The following FAM234B variants were observed in gnomAD, a reference collection of about 807,000 sequenced individuals.
FAM234B encodes the protein protein FAM234B.
In FAM234B, 33 loss-of-function variants were observed where a neutral mutation model predicts 69.3. That is an observed-to-expected ratio of 0.48 (90% confidence interval 0.36 to 0.64). The LOEUF is 0.64. FAM234B is among the 30% of genes least tolerant of loss of function. FAM234B has a pLI of 0.00. For synonymous variants in FAM234B, 306 were observed against 306.9 expected (o/e 1.00, Z 0.03); for missense variants, 697 against 769.7 (o/e 0.91, Z 1.12).
rs561340918 is a variant in FAM234B, at chr12:13,056,165, G to C, written c.433+219G>C. Reference sequence around the variant, plus strand: ...TTGCTCTGTTGTGTCTGTTGGCATTGGTCTTTATTAGATCCAGAGAGGACA... The same window carrying C: ...TTGCTCTGTTGTGTCTGTTGGCATTCGTCTTTATTAGATCCAGAGAGGACA... On this transcript the variant is annotated intron_variant, in intron 2 of 12. Transcript: ENST00000197268. 1.6e-4 allele frequency among the ~76,000 whole-genome samples: 24 copies of C among 152,268 alleles called. No homozygotes were observed. The South Asian group carries it at 3.3e-3, about 21-fold the overall frequency.
intron 1 of FAM234B, among the ~76,000 whole-genome samples, chr12:13,049,285 T>G (rs1452319883): frequency 6.6e-6 from 1 of 152,232 alleles, no homozygotes; most frequent in East Asian, 1.9e-4. Context: ...GTTCAAGCAA[T>G]TTTAATGCCT....
At chr12:13,069,834 T>TA (rs1268621030) in intron 9 of FAM234B, among the ~76,000 whole-genome samples, 3 of 152,178 alleles carry the variant, frequency 2.0e-5, no homozygotes, top group African/African-American at 7.2e-5. Context: ...AGAGGACAGA[T>TA]ACATTGATAA....
At chr12:13,045,443 A>G (rs1864797242) in intron 1 of FAM234B, among the ~76,000 whole-genome samples, 1 of 152,224 alleles carries the variant, frequency 6.6e-6, no homozygotes, top group South Asian at 2.1e-4. Context: ...AGCTATCTCT[A>G]GAGAGGGCTA....
rs1369937395 is a variant in FAM234B at position 13,058,547 on chromosome 12, T to C, written c.530T>C (p.Val177Ala). Residue 177 changes from valine to alanine, a missense_variant and splice_region_variant, in exon 3 of 13, where the codon GTA (valine) becomes GCA (alanine). By Grantham distance (64) the Val-to-Ala change is moderately conservative. This residue lies in a region of FAM234B where 380 missense variants were observed against 447.1 expected (regional missense o/e 0.85). Coordinates refer to ENST00000197268, the MANE Select transcript of FAM234B (RefSeq NM_020853.2). Reference sequence around the variant, plus strand: ...GTGATGTCAAGGAACGGGAGTGCAGTAGGTAAGAGACGTGTTTTTTTCAAG... The same window carrying C: ...GTGATGTCAAGGAACGGGAGTGCAGCAGGTAAGAGACGTGTTTTTTTCAAG... ...SFVMSRNGSA[V>A]GVSRPAANLV... 1.9e-6 allele frequency: 3 copies of C among 1,608,280 alleles called. No homozygotes were observed. Among genetic ancestry groups the C allele is most frequent in the Non-Finnish European group, 2.5e-6 (3 of 1,179,026 alleles).
chr12:13,074,285 C>A (rs188443956), intron 10 of FAM234B, among the ~76,000 whole-genome samples: 2 of 152,238 alleles, frequency 1.3e-5, no homozygotes, highest in East Asian at 3.9e-4. Context: ...CAAGTGTAGT[C>A]TTCTATAAAT....
chr12:13,069,367 A>G (rs1482057411), intron 9 of FAM234B, among the ~76,000 whole-genome samples: 1 of 152,158 alleles, frequency 6.6e-6, no homozygotes, highest in Non-Finnish European at 1.5e-5. Flanking sequence ...GTTTATTTTC[A>G]CTGTGAAATA....
At chr12:13,049,361 G>T (rs1864849276) in intron 1 of FAM234B, among the ~76,000 whole-genome samples, 1 of 152,210 alleles carries the variant, frequency 6.6e-6, no homozygotes, top group Non-Finnish European at 1.5e-5. Flanking sequence ...TGTATTTTCA[G>T]TAGAGACGGG....
intron 10 of FAM234B, among the ~76,000 whole-genome samples, chr12:13,075,610 C>CTTTTTT (rs5796522): frequency 1.6e-5 from 2 of 122,890 alleles, no homozygotes; most frequent in Non-Finnish European, 3.3e-5. Flanking sequence ...TTTTTTTTCT[C>CTTTTTT]TTTTTTTTTT....
At chr12:13,064,296 A>G (rs1314927385) in intron 5 of FAM234B, among the ~76,000 whole-genome samples, 4 of 152,202 alleles carry the variant, frequency 2.6e-5, no homozygotes, top group African/African-American at 9.7e-5. Flanking sequence ...TATCCTAGCC[A>G]TTGTGAATAG....
In FAM234B at chr12:13,080,613, C is replaced by G. The variant is rs781769164; in HGVS notation, c.1864-12C>G. 1.2e-6 allele frequency: 2 copies of G among 1,604,074 alleles called. No homozygotes were observed. Among genetic ancestry groups the G allele is most frequent in the South Asian group, 1.1e-5 (1 of 90,824 alleles). On this transcript the variant is annotated splice_polypyrimidine_tract_variant and intron_variant, in intron 12 of 12. Transcript: ENST00000197268. ...GAAAAACAATAAAGTCACGATAACT[C>G]TTTTTCCATAGATCTAATCTGATGG...
chr12:13,048,239 T>A (rs1435722143), intron 1 of FAM234B, among the ~76,000 whole-genome samples: 1 of 152,224 alleles, frequency 6.6e-6, no homozygotes, highest in African/African-American at 2.4e-5. Flanking sequence ...CCGCTATCTT[T>A]TAATAGTGTA....
chr12:13,069,289 T>C (rs551798217), intron 9 of FAM234B, among the ~76,000 whole-genome samples: 2 of 152,346 alleles, frequency 1.3e-5, no homozygotes, highest in Admixed American at 1.3e-4. Flanking sequence ...TGGATGACTT[T>C]CATTTCTTTA....
intron 1 of FAM234B, among the ~76,000 whole-genome samples, chr12:13,050,652 T>C (rs1349366908): frequency 1.3e-5 from 2 of 152,214 alleles, no homozygotes; most frequent in Non-Finnish European, 2.9e-5. Context: ...CTGGCTTTTC[T>C]TTTGGCTAGT....
At chr12:13,064,905 C>T (rs1220912203) in intron 5 of FAM234B, among the ~76,000 whole-genome samples, 1 of 152,096 alleles carries the variant, frequency 6.6e-6, no homozygotes, top group African/African-American at 2.4e-5. Context: ...GCTTGGAGAA[C>T]TGGACCTGGT....
chr12:13,060,573 A>G (rs1864973710), intron 3 of FAM234B, among the ~76,000 whole-genome samples: 1 of 151,332 alleles, frequency 6.6e-6, no homozygotes, highest in Admixed American at 6.5e-5. Context: ...AAGTTACCAT[A>G]TACCACCTCT....
At chr12:13,075,547 C>T (rs1865149705) in intron 10 of FAM234B, among the ~76,000 whole-genome samples, 1 of 151,178 alleles carries the variant, frequency 6.6e-6, no homozygotes, top group Non-Finnish European at 1.5e-5. Flanking sequence ...AAGTGATTCT[C>T]CTGCCTCAGC....
chr12:13,055,890 C>G lies in FAM234B; in HGVS notation c.377C>G (p.Pro126Arg). ...ILVLLCAFLI[P>R]CPPRDLHSTW... is the part of the protein sequence containing the mutation. The stretch of plus-strand genomic sequence containing the variant: ...GTGCTCCTGTGTGCTTTCCTGATCC[C>G]CTGTCCTCCCAGAGATCTGCACAGC... The change falls in exon 2 of 13, where the codon CCC (proline) becomes CGC (arginine). Residue 126 changes from proline (P) to arginine (R), a missense_variant. Pro to Arg is a moderately radical substitution (Grantham distance 103). This residue lies in a region of FAM234B where 380 missense variants were observed against 447.1 expected (regional missense o/e 0.85). Transcript: ENST00000197268. 1 of 1,610,648 alleles carries G rather than the reference C, an allele frequency of 6.2e-7. No individual in the cohort carries two copies. Among genetic ancestry groups the G allele is most frequent in the Non-Finnish European group, 8.5e-7 (1 of 1,178,508 alleles).
intron 8 of FAM234B, 82 bp downstream of exon 8, chr12:13,068,529 A>G: frequency 1.3e-6 from 2 of 1,590,778 alleles, no homozygotes; most frequent in East Asian, 2.2e-5. Context: ...ATTGCTTGCA[A>G]TTCTTATATC....
intron 4 of FAM234B, chr12:13,062,066 A>G: frequency 4.3e-6 from 1 of 233,638 alleles, no homozygotes; most frequent in Non-Finnish European, 8.3e-6. Context: ...AGACGACTGA[A>G]CTTTAATTCT....
Sources: gnomAD v4.1 joint callset for allele counts (sites outside exome capture counted in the v4.1 genomes callset) on GRCh38, gnomAD v4.1.1 for gene constraint, gnomAD v4.1.1 regional missense constraint, MANE v1.5 for transcripts, NCBI Gene and HGNC (gene_info 2026-07-23, HGNC 2026-07-21) for gene names.